The following ZFHX3 variants were observed in gnomAD, a reference collection of about 807,000 sequenced individuals.
ZFHX3 encodes zinc finger homeobox 3, also known as zinc finger homeobox protein 3.
ZFHX3 carries 42 observed loss-of-function variants against 279.1 expected under a neutral mutation model. That is an observed-to-expected ratio of 0.15 (90% CI 0.12 to 0.19). ZFHX3 has a LOEUF of 0.19. Ranked by LOEUF, ZFHX3 falls within the 10% of genes least tolerant of loss-of-function variation. ZFHX3 has a pLI of 1.00. For synonymous variants in ZFHX3, 2,293 were observed against 1,957.8 expected (o/e 1.17, Z -4.52); for missense variants, 4,981 against 4,754.0 (o/e 1.05, Z -1.40).
At chr16:73,821,139 T>A (rs1960728351) in intron 1 of ZFHX3, among the ~76,000 whole-genome samples, 1 of 152,230 alleles carries the variant, frequency 6.6e-6, no homozygotes, top group African/African-American at 2.4e-5. Context: ...CTGTGGACAG[T>A]TTTAGCCCCA....
At chr16:73,817,343 C>T (rs746506337) in intron 1 of ZFHX3, among the ~76,000 whole-genome samples, 7 of 152,072 alleles carry the variant, frequency 4.6e-5, no homozygotes, top group East Asian at 1.9e-4. Context: ...CTGGAGAGGG[C>T]GAAAAGCAGC....
At chr16:73,849,633 T>C (rs982229059) in intron 1 of ZFHX3, among the ~76,000 whole-genome samples, 16 of 152,218 alleles carry the variant, frequency 1.1e-4, no homozygotes, top group Non-Finnish European at 2.2e-4. Flanking sequence ...CACTAGCCAG[T>C]CCACATTTCT....
intron 1 of ZFHX3, among the ~76,000 whole-genome samples, chr16:73,774,479 T>C (rs1478069482): frequency 3.3e-5 from 5 of 152,182 alleles, no homozygotes; most frequent in African/African-American, 1.2e-4. Flanking sequence ...CAAATACCCA[T>C]ATGCTCTGTT....
At chr16:73,442,636 A>G (rs2018114323) in intron 3 of ZFHX3, among the ~76,000 whole-genome samples, 1 of 152,186 alleles carries the variant, frequency 6.6e-6, no homozygotes, top group Admixed American at 6.5e-5. Flanking sequence ...AGTATATGGT[A>G]ATCTTAAAAG....
Position 72,811,606 on chromosome 16 carries a change from G to A in ZFHX3, c.3835C>T (p.Pro1279Ser). 1 of 1,608,006 alleles carries A rather than the reference G, an allele frequency of 6.2e-7. No homozygotes were observed. The highest frequency in any genetic ancestry group is 1.1e-5 in the South Asian group (1 of 90,070). The change falls in exon 7 of 10, where the codon CCT (proline) becomes TCT (serine). Residue 1279 changes from proline to serine, a missense_variant. Around this residue, in one of 7 missense-constraint regions of ZFHX3, gnomAD observed 1,751 missense variants for 1,770.0 expected, o/e 0.99. Transcript: ENST00000268489. ...LHLTHLHSVA[P>S]DCVEKLIMTV... is the part of the protein sequence containing the mutation. ...ATAATGAGCTTCTCCACGCAGTCAG[G>A]TGCCACGCTGTGGAGGTGGGTGAGG...
At chr16:73,090,329 G>T (rs1049236411) in intron 8 of ZFHX3, among the ~76,000 whole-genome samples, 5 of 152,198 alleles carry the variant, frequency 3.3e-5, no homozygotes, top group African/African-American at 9.6e-5. Context: ...GGAGGCGGAG[G>T]TTGCAGTGGG....
rs752609773 is a variant in ZFHX3 at position 72,787,638 on chromosome 16, T to C, written c.10638A>G (p.Gln3546=). The C allele has an allele frequency of 1.3e-4, 206 of 1,612,068 alleles. No individual in the cohort carries two copies. In the East Asian group the frequency reaches 1.3e-3, roughly 11 times the overall value. The change falls in exon 10 of 10, where the codon CAA becomes CAG. Residue 3546 remains glutamine (Q), a synonymous_variant. Coordinates refer to ENST00000268489, the MANE Select transcript of ZFHX3 (RefSeq NM_006885.4). ...GTTTGTGCAAGGCCGACTCGAGATG[T>C]TGACTCAGAGCTTCCTCCCCACAGA... is the stretch of plus-strand genomic sequence containing the variant. ...SALCGEEALS[Q]HLESALHKHR...
intron 4 of ZFHX3, among the ~76,000 whole-genome samples, chr16:73,297,816 T>A (rs1470033738): frequency 6.6e-6 from 1 of 151,968 alleles, no homozygotes; most frequent in African/African-American, 2.4e-5. Flanking sequence ...AATAACCTTA[T>A]CTTGTAGAGT....
chr16:73,862,955 G>A (rs1961920870), intron 1 of ZFHX3, among the ~76,000 whole-genome samples: 1 of 151,820 alleles, frequency 6.6e-6, no homozygotes, highest in African/African-American at 2.4e-5. Context: ...GCTCACACCT[G>A]TAATCCCAGC....
At chr16:72,831,352 T>C (rs1305646699) in intron 4 of ZFHX3, among the ~76,000 whole-genome samples, 2 of 152,228 alleles carry the variant, frequency 1.3e-5, no homozygotes, top group Admixed American at 1.3e-4. Flanking sequence ...AGGCAGTCAC[T>C]GGGAATACAG....
chr16:73,657,618 C>G (rs1254187711), intron 2 of ZFHX3, among the ~76,000 whole-genome samples: 1 of 152,144 alleles, frequency 6.6e-6, no homozygotes, highest in South Asian at 2.1e-4. Flanking sequence ...CTTTCTCCCC[C>G]AGTCCTAGTC....
chr16:72,817,583 C>T (rs553758213), intron 5 of ZFHX3, among the ~76,000 whole-genome samples: 105 of 152,192 alleles, frequency 6.9e-4, no homozygotes, highest in Non-Finnish European at 1.1e-3. Context: ...CACACCAGTG[C>T]GCTGTTGGCA....
At chr16:72,984,481 C>A (rs1962756684) in intron 1 of ZFHX3, among the ~76,000 whole-genome samples, 1 of 152,014 alleles carries the variant, frequency 6.6e-6, no homozygotes, top group Non-Finnish European at 1.5e-5. Flanking sequence ...TAAAAATTAG[C>A]CAGACATGGT....
At chr16:73,107,145 T>C (rs1367495972) in intron 7 of ZFHX3, among the ~76,000 whole-genome samples, 1 of 151,978 alleles carries the variant, frequency 6.6e-6, no homozygotes, top group Admixed American at 6.6e-5. Context: ...CTGTCTCTAC[T>C]AAAAATACAA....
rs577713057 is a variant in ZFHX3, at chr16:73,466,939, G to A, written c.-1546-10681C>T. On this transcript the variant is annotated intron_variant, in intron 2 of 17. Coordinates refer to the ZFHX3 transcript ENST00000641206. ...ACACAGAGCAAAGCATGAGCTTTGA[G>A]CAAAGAGGAGGCGAACTGATTTTTT... is the stretch of plus-strand genomic sequence containing the variant. Among the ~76,000 whole-genome samples the A allele has an allele frequency of 2.6e-5, 4 of 151,192 alleles. No homozygotes were observed. The South Asian group carries it at 6.2e-4, about 24-fold the overall frequency.
chr16:73,685,233 G>A (rs970258419), intron 1 of ZFHX3, among the ~76,000 whole-genome samples: 1 of 151,222 alleles, frequency 6.6e-6, no homozygotes, highest in Non-Finnish European at 1.5e-5. Flanking sequence ...GGCCCAGATG[G>A]TCTTGATCTC....
At chr16:73,392,440 A>AAAAAAAAAAAAAAAC (rs2017036473) in intron 3 of ZFHX3, among the ~76,000 whole-genome samples, 1 of 149,958 alleles carries the variant, frequency 6.7e-6, no homozygotes, top group Non-Finnish European at 1.5e-5. Flanking sequence ...AAAAAAAAAA[A>AAAAAAAAAAAAAAAC]AAAGAGTGAA....
intron 2 of ZFHX3, among the ~76,000 whole-genome samples, chr16:73,638,315 A>G (rs1159192831): frequency 6.6e-6 from 1 of 152,226 alleles, no homozygotes; most frequent in African/African-American, 2.4e-5. Flanking sequence ...TTTATTTATT[A>G]GGAGCTCTTA....
chr16:73,266,868 G>A (rs1305958835), intron 4 of ZFHX3, among the ~76,000 whole-genome samples: 1 of 152,232 alleles, frequency 6.6e-6, no homozygotes, highest in African/African-American at 2.4e-5. Flanking sequence ...TAGCCATGTG[G>A]AACTGTGAGT....
Sources: allele counts gnomAD v4.1 joint callset (sites outside exome capture counted in the v4.1 genomes callset), GRCh38; gene constraint gnomAD v4.1.1; regional missense constraint gnomAD v4.1.1; transcripts MANE v1.5; gene names NCBI Gene and HGNC (gene_info 2026-07-23, HGNC 2026-07-21).